The following XRCC4 variants were observed in gnomAD, a reference collection of about 807,000 sequenced individuals.
XRCC4 encodes DNA repair protein XRCC4.
In XRCC4, 28 loss-of-function variants were observed where a neutral mutation model predicts 39.1. That is an observed-to-expected ratio of 0.72 (90% confidence interval 0.53 to 0.98). The LOEUF (loss-of-function observed/expected upper bound fraction) is 0.98. XRCC4 is among the 50% of genes least tolerant of loss of function. The pLI, the probability that XRCC4 is intolerant of heterozygous loss-of-function variation, is 0.00. For synonymous variants in XRCC4, 123 were observed against 126.4 expected (o/e 0.97, Z 0.18); for missense variants, 350 against 376.4 (o/e 0.93, Z 0.58).
intron 7 of XRCC4, among the ~76,000 whole-genome samples, chr5:83,294,437 CT>C: frequency 6.6e-6 from 1 of 152,136 alleles, no homozygotes; most frequent in Non-Finnish European, 1.5e-5. Context: ...CTGTATTGTG[CT>C]CTGAAAAGTC....
chr5:83,318,289 T>C (rs1393995055), intron 7 of XRCC4, among the ~76,000 whole-genome samples: 1 of 129,148 alleles, frequency 7.7e-6, no homozygotes, highest in African/African-American at 3.7e-5. Context: ...CTTTGAAAAC[T>C]GGCACAAGAC....
chr5:83,094,884 CTTTTT>C (rs74373750), intron 1 of XRCC4, among the ~76,000 whole-genome samples: 3 of 127,960 alleles, frequency 2.3e-5, no homozygotes, highest in African/African-American at 2.9e-5. Flanking sequence ...ATTCTGAAAT[CTTTTT>C]TTTTTTTTTT....
chr5:83,360,910 A>G, the XRCC4 span, among the ~76,000 whole-genome samples: 1 of 152,180 alleles, frequency 6.6e-6, no homozygotes, highest in Non-Finnish European at 1.5e-5. Context: ...ACTAATACTT[A>G]TATGGAATAA....
chr5:83,251,297 G>A (rs996231998), intron 6 of XRCC4, among the ~76,000 whole-genome samples: 6 of 152,090 alleles, frequency 3.9e-5, no homozygotes, highest in South Asian at 2.1e-4. Flanking sequence ...AGGCTGAGGC[G>A]GGTGGATCAC....
chr5:83,228,113 A>G (rs185326715), intron 6 of XRCC4, among the ~76,000 whole-genome samples: 149 of 152,206 alleles, frequency 9.8e-4, no homozygotes, highest in African/African-American at 3.3e-3. Flanking sequence ...TGATTAACCA[A>G]GTAATGTCTT....
At chr5:83,294,939 G>A (rs1348067038) in intron 7 of XRCC4, among the ~76,000 whole-genome samples, 2 of 151,964 alleles carry the variant, frequency 1.3e-5, no homozygotes, top group Non-Finnish European at 2.9e-5. Context: ...ATTTAGATAG[G>A]TTAATAGCAA....
chr5:83,356,200 C>T (rs1757188272), downstream of XRCC4, among the ~76,000 whole-genome samples: 1 of 152,032 alleles, frequency 6.6e-6, no homozygotes, highest in South Asian at 2.1e-4. Context: ...CCTAGATTTA[C>T]CCTGTATCTT....
At chr5:83,351,768 T>C (rs922043797) in intron 7 of XRCC4, among the ~76,000 whole-genome samples, 1 of 152,142 alleles carries the variant, frequency 6.6e-6, no homozygotes, top group Non-Finnish European at 1.5e-5. Context: ...ATGTCCCAGG[T>C]CTAGTGGCAG....
intron 3 of XRCC4, among the ~76,000 whole-genome samples, chr5:83,154,209 CTG>C (rs1235091264): frequency 6.6e-6 from 1 of 152,056 alleles, no homozygotes; most frequent in Non-Finnish European, 1.5e-5. Flanking sequence ...TAGAAAATAA[CTG>C]TTGTGAAGAT....
At chr5:83,191,620 A>G (rs28565479) in intron 3 of XRCC4, among the ~76,000 whole-genome samples, 1 of 152,184 alleles carries the variant, frequency 6.6e-6, no homozygotes, top group South Asian at 2.1e-4. Flanking sequence ...GAATCACTTG[A>G]ACCCAGGAGG....
At chr5:83,174,424 T>C (rs563700764) in intron 3 of XRCC4, among the ~76,000 whole-genome samples, 5 of 152,240 alleles carry the variant, frequency 3.3e-5, no homozygotes, top group African/African-American at 1.2e-4. Flanking sequence ...TAATATAGAC[T>C]ATATTGTCAG....
At chr5:83,192,252 A>G (rs1245640950) in intron 3 of XRCC4, among the ~76,000 whole-genome samples, 1 of 141,300 alleles carries the variant, frequency 7.1e-6, no homozygotes, top group African/African-American at 2.5e-5. Context: ...TACATATTAT[A>G]TATACGTATA....
chr5:83,334,793 A>G (rs919621267), intron 7 of XRCC4, among the ~76,000 whole-genome samples: 7 of 152,014 alleles, frequency 4.6e-5, no homozygotes, highest in South Asian at 4.1e-4. Flanking sequence ...ATGCATATGT[A>G]GTGATTTATA....
At chr5:83,270,130 T>G (rs1304007583) in intron 7 of XRCC4, among the ~76,000 whole-genome samples, 1 of 152,042 alleles carries the variant, frequency 6.6e-6, no homozygotes, top group African/African-American at 2.4e-5. Flanking sequence ...CACAATAGGA[T>G]TTGTGCTCCT....
intron 4 of XRCC4, among the ~76,000 whole-genome samples, chr5:83,202,469 C>A (rs191326009): frequency 1.3e-5 from 2 of 152,176 alleles, no homozygotes; most frequent in African/African-American, 4.8e-5. Flanking sequence ...CGTTCTAATT[C>A]TTTGCATCTC....
At chr5:83,302,952 CCTGTAATCCCAGCACTT>C (rs1487204253) in intron 7 of XRCC4, among the ~76,000 whole-genome samples, 1 of 152,188 alleles carries the variant, frequency 6.6e-6, no homozygotes, top group Non-Finnish European at 1.5e-5. Context: ...GTGGCTTACG[CCTGTAATCCCAGCACTT>C]TGGGAAGCTG....
intron 3 of XRCC4, among the ~76,000 whole-genome samples, chr5:83,186,501 G>C (rs1353461632): frequency 6.6e-6 from 1 of 152,000 alleles, no homozygotes; most frequent in Non-Finnish European, 1.5e-5. Context: ...CTCTTGTAAG[G>C]ACCATTGTGA....
At chr5:83,113,997 C>T (rs538186218) in intron 3 of XRCC4, among the ~76,000 whole-genome samples, 9 of 152,328 alleles carry the variant, frequency 5.9e-5, no homozygotes, top group South Asian at 4.1e-4. Flanking sequence ...TCTGTGCACT[C>T]GCAGGCTCAA....
intron 7 of XRCC4, among the ~76,000 whole-genome samples, chr5:83,286,649 C>CTGAT (rs1754743871): frequency 6.6e-6 from 1 of 152,086 alleles, no homozygotes; most frequent in Non-Finnish European, 1.5e-5. Context: ...TGAAAGTCAA[C>CTGAT]TGATTGAATA....
Sources: gnomAD v4.1 joint callset for allele counts (sites outside exome capture counted in the v4.1 genomes callset) on GRCh38, gnomAD v4.1.1 for gene constraint, MANE v1.5 for transcripts, NCBI Gene and HGNC (gene_info 2026-07-23, HGNC 2026-07-21) for gene names.